The following TMEM200A variants were observed in gnomAD, a reference collection of about 807,000 sequenced individuals.
TMEM200A encodes two transmembrane C.
A neutral mutation model predicts 24.3 loss-of-function variants in TMEM200A; 12 were observed. That is an observed-to-expected ratio of 0.49 (90% confidence interval 0.32 to 0.80). The LOEUF (loss-of-function observed/expected upper bound fraction) is 0.80. Ranked by LOEUF, TMEM200A falls within the 30% of genes least tolerant of loss-of-function variation. TMEM200A has a pLI of 0.04. For missense variants in TMEM200A, 545 were observed against 614.4 expected (o/e 0.89, Z 1.19); for synonymous variants, 224 against 224.4 (o/e 1.00, Z 0.02).
rs142440624 is a variant in TMEM200A, at chr6:130,441,484, G to A, written c.1062G>A (p.Ser354=). The A allele has an allele frequency of 4.6e-5, 74 of 1,614,028 alleles. No individual in the cohort carries two copies. In the East Asian group the frequency reaches 4.7e-4, roughly 10 times the overall value. Reference sequence around the variant, plus strand: ...CAAGGAATAATTCCATTGGGGAGTCGTTGTCGAGTCAGTACAAGTCATCTA... The same window carrying A: ...CAAGGAATAATTCCATTGGGGAGTCATTGTCGAGTCAGTACAAGTCATCTA... ...VLPRNNSIGE[S]LSSQYKSSMA... Residue 354 remains serine, a synonymous_variant, in exon 3 of 3, where the codon TCG becomes TCA. Transcript: ENST00000296978.
At chr6:130,409,826 C>A (rs1317351906) in intron 2 of TMEM200A, among the ~76,000 whole-genome samples, 3 of 150,092 alleles carry the variant, frequency 2.0e-5, no homozygotes, top group Admixed American at 6.6e-5. Flanking sequence ...AAGGCACTTC[C>A]TTTCTGTCTC....
chr6:130,422,815 T>C (rs931942142), intron 2 of TMEM200A, among the ~76,000 whole-genome samples: 4 of 152,206 alleles, frequency 2.6e-5, no homozygotes, highest in African/African-American at 4.8e-5. Flanking sequence ...CAACCAACTA[T>C]TTAAAAAACT....
Position 130,441,176 on chromosome 6 carries a change from GTGTC to G in TMEM200A, c.760_763del (p.Val254LeufsTer38). ...GCCCCCTTTGCTCTCTGACAGCTCT[GTGTC>G]TGTCTTTGGCCTCTATCCACCTCCT... is the stretch of plus-strand genomic sequence containing the variant. On this transcript the variant is annotated frameshift_variant, in exon 3 of 3. Transcript: ENST00000296978. LOFTEE classifies it high-confidence loss of function. 6.2e-7 allele frequency: 1 copy of G among 1,614,074 alleles called. No homozygotes were observed. Among genetic ancestry groups the G allele is most frequent in the Non-Finnish European group, 8.5e-7 (1 of 1,179,970 alleles).
intron 1 of TMEM200A, among the ~76,000 whole-genome samples, chr6:130,378,993 G>T (rs940353073): frequency 2.0e-5 from 3 of 152,140 alleles, no homozygotes; most frequent in African/African-American, 7.2e-5. Flanking sequence ...AGCATATGGG[G>T]TTGAACTCAT....
chr6:130,402,343 T>A (rs1397940839), intron 2 of TMEM200A, among the ~76,000 whole-genome samples: 4 of 152,026 alleles, frequency 2.6e-5, no homozygotes, highest in Non-Finnish European at 4.4e-5. Flanking sequence ...AAAATGGGAA[T>A]CAGTTGAGCA....
At chr6:130,418,350 G>T (rs1779506366) in intron 2 of TMEM200A, among the ~76,000 whole-genome samples, 1 of 152,074 alleles carries the variant, frequency 6.6e-6, no homozygotes, top group Non-Finnish European at 1.5e-5. Flanking sequence ...AAAGTAAAAA[G>T]CTTTTATTCT....
intron 1 of TMEM200A, chr6:130,382,017 C>G: frequency 1.0e-6 from 1 of 955,018 alleles, no homozygotes; most frequent in Non-Finnish European, 1.2e-6. Flanking sequence ...ATATTGTGAA[C>G]CTTTTATGAT....
At chr6:130,424,756 G>A (rs918813518) in intron 2 of TMEM200A, among the ~76,000 whole-genome samples, 1 of 152,122 alleles carries the variant, frequency 6.6e-6, no homozygotes, top group Non-Finnish European at 1.5e-5. Context: ...TCTTCATCAA[G>A]TAAAACCTAG....
intron 2 of TMEM200A, among the ~76,000 whole-genome samples, chr6:130,401,192 A>G (rs1779074065): frequency 6.6e-6 from 1 of 152,042 alleles, no homozygotes. Context: ...CACTGTATTC[A>G]GGTGTCATGT....
chr6:130,441,110 G>C lies in TMEM200A; in HGVS notation c.688G>C (p.Glu230Gln). The change falls in exon 3 of 3, where the codon GAA becomes CAA. Residue 230 changes from glutamate to glutamine, a missense_variant. By Grantham distance (29) the Glu-to-Gln change is conservative. Coordinates refer to ENST00000296978, the MANE Select transcript of TMEM200A (RefSeq NM_001258277.2). ...FRMDSSVEEDELMLNEGKSSG... is the reference protein window; with the variant it reads ...FRMDSSVEEDQLMLNEGKSSG... ...AATGGACAGCTCCGTGGAGGAGGAT[G>C]AACTTATGTTAAATGAAGGTAAGAG... 6.2e-7 allele frequency: 1 copy of C among 1,614,020 alleles called. No homozygotes were observed. The highest frequency in any genetic ancestry group is 8.5e-7 in the Non-Finnish European group (1 of 1,179,994).
intron 2 of TMEM200A, among the ~76,000 whole-genome samples, chr6:130,406,897 C>T (rs1304993840): frequency 1.3e-5 from 2 of 152,176 alleles, no homozygotes; most frequent in Non-Finnish European, 2.9e-5. Flanking sequence ...GCTGATCTCT[C>T]CACGTTTTTT....
chr6:130,370,053 A>G (rs1488936313), intron 1 of TMEM200A, among the ~76,000 whole-genome samples: 1 of 152,204 alleles, frequency 6.6e-6, no homozygotes, highest in African/African-American at 2.4e-5. Context: ...TCCTTGCTTC[A>G]ATCATGGCTG....
chr6:130,418,535 C>T (rs1474057812), intron 2 of TMEM200A, among the ~76,000 whole-genome samples: 1 of 152,112 alleles, frequency 6.6e-6, no homozygotes, highest in Non-Finnish European at 1.5e-5. Context: ...TAAATATTCC[C>T]ACTTTACGAA....
In TMEM200A at chr6:130,366,271, C is replaced by T; in HGVS notation, c.-334C>T. On this transcript the variant is annotated 5_prime_UTR_variant, in exon 1 of 3. Transcript: ENST00000296978. The surrounding 1 kb of genome is among the most constrained non-coding windows in gnomAD (Gnocchi z 4.4). ...GGCGCGGGCATAGGGGCGCCCCCACCCTCCGTCCGCTTGCACCCCTTGCCA... is the reference window on the plus strand; with the variant it reads ...GGCGCGGGCATAGGGGCGCCCCCACTCTCCGTCCGCTTGCACCCCTTGCCA... 1.0e-6 allele frequency: 1 copy of T among 985,416 alleles called. No homozygotes were observed. The highest frequency in any genetic ancestry group is 1.2e-6 in the Non-Finnish European group (1 of 829,952). The allele number at this position is 985,416 out of a possible 1,614,324, so 61.0% of individuals were successfully genotyped here.
intron 2 of TMEM200A, among the ~76,000 whole-genome samples, chr6:130,391,101 T>C (rs1294052767): frequency 2.6e-5 from 4 of 152,188 alleles, no homozygotes; most frequent in Admixed American, 1.3e-4. Flanking sequence ...TAAATATCAG[T>C]TTACCTGTGC....
chr6:130,408,699 G>A (rs963400381), intron 2 of TMEM200A, among the ~76,000 whole-genome samples: 2 of 152,146 alleles, frequency 1.3e-5, no homozygotes, highest in Non-Finnish European at 2.9e-5. Flanking sequence ...TTGTGGAGGG[G>A]TTTGGGTATT....
In TMEM200A at chr6:130,399,408, T is replaced by G. The variant is rs183280664; in HGVS notation, c.-17+14172T>G. ...TTCAGGAATTCTTAATAGACCAATT[T>G]GGACTTTTTGATTTTAGCTACTGTG... is the stretch of plus-strand genomic sequence containing the variant. On this transcript the variant is annotated intron_variant, in intron 2 of 2. Transcript: ENST00000296978. 2.0e-5 allele frequency among the ~76,000 whole-genome samples: 3 copies of G among 152,124 alleles called. No individual in the cohort carries two copies. In the East Asian group the frequency reaches 5.8e-4, roughly 29 times the overall value.
intron 2 of TMEM200A, among the ~76,000 whole-genome samples, chr6:130,430,721 G>T (rs746843973): frequency 1.6e-4 from 25 of 152,104 alleles, no homozygotes; most frequent in Non-Finnish European, 3.1e-4. Flanking sequence ...GTTTGGTCTT[G>T]CCATCCCCAA....
intron 2 of TMEM200A, among the ~76,000 whole-genome samples, chr6:130,395,418 A>G (rs147714072): frequency 1.4e-4 from 21 of 152,310 alleles, no homozygotes; most frequent in African/African-American, 4.8e-4. Context: ...ACTTTCTGAA[A>G]CATTAATAGC....
Sources: allele counts gnomAD v4.1 joint callset (sites outside exome capture counted in the v4.1 genomes callset), GRCh38; gene constraint gnomAD v4.1.1; non-coding constraint Gnocchi (gnomAD v3.1); transcripts MANE v1.5; gene names NCBI Gene and HGNC (gene_info 2026-07-23, HGNC 2026-07-21).